The following CES5A variants were observed in gnomAD, a reference collection of about 807,000 sequenced individuals.
CES5A encodes the protein carboxylesterase 5.
In CES5A, 67 loss-of-function variants were observed where a neutral mutation model predicts 62.9. That is an observed-to-expected ratio of 1.07 (90% CI 0.88 to 1.31). The LOEUF is 1.31. Ranked by LOEUF, CES5A falls within the 50% of genes most tolerant of loss-of-function variation. The pLI is 0.00. For synonymous variants in CES5A, 296 were observed against 280.8 expected (o/e 1.05, Z -0.54); for missense variants, 748 against 708.5 (o/e 1.06, Z -0.63).
intron 2 of CES5A, among the ~76,000 whole-genome samples, chr16:55,940,412 A>G (rs1375944721): frequency 4.6e-5 from 7 of 152,060 alleles, no homozygotes; most frequent in South Asian, 2.1e-4. Context: ...CATAATACAT[A>G]TAAATTCAAA....
At chr16:55,897,745 A>T (rs1292487481) in intron 1 of CES5A, among the ~76,000 whole-genome samples, 2 of 152,226 alleles carry the variant, frequency 1.3e-5, no homozygotes, top group Non-Finnish European at 2.9e-5. Flanking sequence ...TCAGATTTTA[A>T]AAGTTAATTT....
upstream of CES5A, among the ~76,000 whole-genome samples, chr16:55,876,215 T>C (rs1380096585): frequency 1.3e-5 from 2 of 152,252 alleles, no homozygotes; most frequent in African/African-American, 4.8e-5. Flanking sequence ...TCTTCACAAT[T>C]TGTACCATTC....
intron 3 of CES5A, 106 bp downstream of exon 3, chr16:55,871,519 T>C: frequency 7.8e-7 from 1 of 1,286,304 alleles, no homozygotes; most frequent in Non-Finnish European, 1.1e-6. Context: ...ATTTCCCTTT[T>C]ACCCAACAGG....
chr16:55,896,089 C>G (rs537165317), intron 1 of CES5A, among the ~76,000 whole-genome samples: 20 of 152,286 alleles, frequency 1.3e-4, no homozygotes, highest in African/African-American at 4.1e-4. Flanking sequence ...TGACTCACAG[C>G]TCCACATAGC....
chr16:55,953,056 C>T (rs1305018186), intron 1 of CES5A, among the ~76,000 whole-genome samples: 8 of 152,234 alleles, frequency 5.3e-5, no homozygotes, highest in African/African-American at 1.4e-4. Context: ...GAGCAAAAAA[C>T]GGAAGAATAG....
At chr16:55,882,603 T>C (rs527324047) in intron 1 of CES5A, among the ~76,000 whole-genome samples, 51 of 152,364 alleles carry the variant, frequency 3.3e-4, no homozygotes, top group African/African-American at 1.2e-3. Context: ...CCTGGTGGTC[T>C]TTCATGTGAT....
At chr16:55,872,906 C>T (rs1434411221) in intron 2 of CES5A, among the ~76,000 whole-genome samples, 3 of 152,172 alleles carry the variant, frequency 2.0e-5, no homozygotes, top group Non-Finnish European at 2.9e-5. Flanking sequence ...TCAACCCCTG[C>T]GGCGTCCCCA....
At chr16:55,900,616 T>A (rs954894846) in intron 1 of CES5A, among the ~76,000 whole-genome samples, 14 of 152,176 alleles carry the variant, frequency 9.2e-5, no homozygotes, top group Non-Finnish European at 2.1e-4. Context: ...ACCCACAGCC[T>A]GCAGCAAAAT....
At chr16:55,882,525 C>T (rs116033120) in intron 1 of CES5A, among the ~76,000 whole-genome samples, 2,565 of 152,284 alleles carry the variant, frequency 0.017, 71 homozygotes, top group African/African-American at 0.059. Flanking sequence ...ACCTAGGCAA[C>T]AGGACTGATT....
chr16:55,852,987 G>A lies in CES5A; in HGVS notation c.1167C>T (p.Tyr389=), dbSNP rs2033163104. 6.8e-6 allele frequency: 11 copies of A among 1,614,130 alleles called. No individual in the cohort carries two copies. Among genetic ancestry groups the A allele is most frequent in the Non-Finnish European group, 9.3e-6 (11 of 1,179,998 alleles). Residue 389 remains tyrosine, a synonymous_variant, in exon 10 of 13, where the codon TAC becomes TAT. Transcript: ENST00000290567. The stretch of plus-strand genomic sequence containing the variant: ...CAGTCAGGGAGTGCTTGTCATGGAA[G>A]TATTCATTAGCCACAAGGTGCAAAT... ...PQYLHLVANE[Y]FHDKHSLTEI...
upstream of CES5A, among the ~76,000 whole-genome samples, chr16:55,928,014 C>T (rs886195788): frequency 2.1e-4 from 32 of 152,118 alleles, no homozygotes; most frequent in Admixed American, 5.2e-4. Context: ...GAGGCCGAGG[C>T]GGATGGATGA....
Position 55,846,550 on chromosome 16 carries a change from G to T in CES5A, c.1629C>A (p.Ile543=). The change falls in exon 13 of 13, where the codon ATC becomes ATA. Residue 543 remains isoleucine, a synonymous_variant. Transcript: ENST00000290567. ...TGTCGGAGGCAGACAGGATCAGGGGGATGGTGCTGGTCCAAAAATCCACCC... is the reference window on the plus strand; with the variant it reads ...TGTCGGAGGCAGACAGGATCAGGGGTATGGTGCTGGTCCAAAAATCCACCC... ...EPRVDFWTST[I]PLILSASDML... 1 of 1,614,144 alleles carries T rather than the reference G, an allele frequency of 6.2e-7. No individual in the cohort carries two copies. The highest frequency in any genetic ancestry group is 8.5e-7 in the Non-Finnish European group (1 of 1,180,022).
chr16:55,875,148 C>T lies in CES5A; in HGVS notation c.73+1G>A. The T allele has an allele frequency of 6.2e-7, 1 of 1,614,100 alleles. No homozygotes were observed. Among genetic ancestry groups the T allele is most frequent in the Non-Finnish European group, 8.5e-7 (1 of 1,179,924 alleles). ...CCCTCCTTTCCCATTGGATATCTCA[C>T]CTTTGGTGGGGGCTGCAAGGACCCA... On this transcript the variant is annotated splice_donor_variant, in intron 1 of 12. Transcript: ENST00000290567. LOFTEE classifies it high-confidence loss of function.
intron 1 of CES5A, among the ~76,000 whole-genome samples, chr16:55,902,579 ATTGT>A (rs1283956977): frequency 1.3e-5 from 2 of 152,138 alleles, no homozygotes; most frequent in African/African-American, 4.8e-5. Context: ...CTGTGAAATC[ATTGT>A]TTATTTAAAT....
intron 1 of CES5A, among the ~76,000 whole-genome samples, chr16:55,917,238 A>G (rs934677697): frequency 6.6e-6 from 1 of 152,228 alleles, no homozygotes; most frequent in Non-Finnish European, 1.5e-5. Context: ...TCCAAGCACA[A>G]ATATTCATTT....
intron 2 of CES5A, among the ~76,000 whole-genome samples, chr16:55,938,735 C>CAAA (rs1171756916): frequency 1.4e-4 from 4 of 29,130 alleles, no homozygotes; most frequent in African/African-American, 6.1e-4. Flanking sequence ...GACTCCATCT[C>CAAA]AAAAAAAAAA....
chr16:55,942,780 T>A (rs937184356), intron 2 of CES5A, among the ~76,000 whole-genome samples: 3 of 152,210 alleles, frequency 2.0e-5, no homozygotes, highest in African/African-American at 7.2e-5. Context: ...CTCAAATGTT[T>A]TCCATAGTAA....
At chr16:55,922,186 A>G (rs2034212307) in intron 1 of CES5A, among the ~76,000 whole-genome samples, 1 of 152,012 alleles carries the variant, frequency 6.6e-6, no homozygotes. Flanking sequence ...GCCCTTACTT[A>G]ATAATAACAC....
intron 1 of CES5A, among the ~76,000 whole-genome samples, chr16:55,884,207 G>T (rs1567340271): frequency 6.6e-6 from 1 of 152,244 alleles, no homozygotes; most frequent in Non-Finnish European, 1.5e-5. Context: ...TGGGAACTGA[G>T]CAAAGATTTG....
Sources: allele counts gnomAD v4.1 joint callset (sites outside exome capture counted in the v4.1 genomes callset), GRCh38; gene constraint gnomAD v4.1.1; transcripts MANE v1.5; gene names NCBI Gene and HGNC (gene_info 2026-07-23, HGNC 2026-07-21).